Variants in LYRM4 observed in about 807,000 individuals in gnomAD.
LYRM4 encodes LYR motif-containing protein 4.
A neutral mutation model predicts 11.7 loss-of-function variants in LYRM4; 9 were observed. The ratio of observed to expected loss-of-function variants is 0.77; its 90% CI spans 0.46 to 1.34. LYRM4 has a LOEUF of 1.34. Among genes scored for constraint, LYRM4 ranks in the 40% most tolerant of loss-of-function variants. LYRM4 has a pLI of 0.00. For missense variants in LYRM4, 133 were observed against 112.5 expected, an observed-to-expected ratio of 1.18 and a Z score of -0.82; for synonymous variants, 42 against 40.4, an observed-to-expected ratio of 1.04 and a Z score of -0.15.
At chr6:5,253,186 A>G (rs1228835211) in intron 1 of LYRM4, among the ~76,000 whole-genome samples, 1 of 152,238 alleles carries the variant, frequency 6.6e-6, no homozygotes. Context: ...TTCTGACACT[A>G]CACTTGGTAT....
chr6:5,209,517 G>A (rs1317499594), intron 2 of LYRM4, among the ~76,000 whole-genome samples: 4 of 152,200 alleles, frequency 2.6e-5, no homozygotes, highest in African/African-American at 9.6e-5. Context: ...GGAAAGTGCT[G>A]CTGGCGTATG....
intron 2 of LYRM4, among the ~76,000 whole-genome samples, chr6:5,115,290 A>G (rs1473190380): frequency 1.3e-5 from 2 of 152,212 alleles, no homozygotes; most frequent in Non-Finnish European, 2.9e-5. Context: ...ACTACTTTCC[A>G]GAAGGTCTGT....
intron 1 of LYRM4, among the ~76,000 whole-genome samples, chr6:5,241,511 G>A (rs191461455): frequency 7.9e-5 from 12 of 152,296 alleles, no homozygotes; most frequent in Admixed American, 7.8e-4. Flanking sequence ...TTTGATCCCT[G>A]GAATCAGACT....
At chr6:5,162,403 A>G (rs976149461) in intron 2 of LYRM4, among the ~76,000 whole-genome samples, 2 of 152,118 alleles carry the variant, frequency 1.3e-5, no homozygotes, top group Non-Finnish European at 2.9e-5. Context: ...TGTTTCCCGA[A>G]GGATGACACT....
rs891375642 is a variant in LYRM4 at position 5,159,140 on chromosome 6, G to T, written c.208-49649C>A. The stretch of plus-strand genomic sequence containing the variant: ...TGGAGGGGGCCAGACTGACAGCAGC[G>T]ATCGTACTCTTCCAAAGGAACTGTA... On this transcript the variant is annotated intron_variant, in intron 2 of 2. Transcript: ENST00000330636. Among the ~76,000 whole-genome samples the T allele has an allele frequency of 2.0e-5, 3 of 152,228 alleles. No individual in the cohort carries two copies. The South Asian group carries it at 6.2e-4, about 32-fold the overall frequency.
chr6:5,145,452 T>G (rs1341712054), intron 2 of LYRM4, among the ~76,000 whole-genome samples: 2 of 152,200 alleles, frequency 1.3e-5, no homozygotes, highest in Admixed American at 1.3e-4. Context: ...ATAAAACATG[T>G]GCTTAATTTC....
chr6:5,243,829 T>C (rs559269288), intron 1 of LYRM4, among the ~76,000 whole-genome samples: 1 of 152,378 alleles, frequency 6.6e-6, no homozygotes, highest in African/African-American at 2.4e-5. Flanking sequence ...GATGGTGGCA[T>C]CTTAATAAAA....
the LYRM4 span, among the ~76,000 whole-genome samples, chr6:5,068,313 C>T: frequency 6.6e-6 from 1 of 152,198 alleles, no homozygotes; most frequent in Admixed American, 6.5e-5. The surrounding 1 kb of genome is among the most constrained non-coding windows in gnomAD (Gnocchi z 4.0). Context: ...CTGCAGCAGC[C>T]AGCCAGACAC....
chr6:5,045,229 A>T, the LYRM4 span, among the ~76,000 whole-genome samples: 1 of 152,250 alleles, frequency 6.6e-6, no homozygotes, highest in Non-Finnish European at 1.5e-5. Context: ...CCAACCATAG[A>T]TGAGTGGATA....
At chr6:5,119,511 G>C (rs970063739) in intron 2 of LYRM4, among the ~76,000 whole-genome samples, 1 of 152,058 alleles carries the variant, frequency 6.6e-6, no homozygotes, top group Non-Finnish European at 1.5e-5. Context: ...AAAAGGCTGG[G>C]TGTGGTGTCT....
intron 2 of LYRM4, among the ~76,000 whole-genome samples, chr6:5,135,016 G>A (rs1487034344): frequency 7.6e-5 from 9 of 118,178 alleles, no homozygotes; most frequent in African/African-American, 1.7e-4. Flanking sequence ...CGGGGCTGTG[G>A]AGGGTGCGGA....
intron 2 of LYRM4, among the ~76,000 whole-genome samples, chr6:5,182,587 T>C (rs949517385): frequency 3.9e-5 from 6 of 152,238 alleles, no homozygotes; most frequent in Non-Finnish European, 7.3e-5. Context: ...ACTTTAGTTG[T>C]ATATCATACA....
the LYRM4 span, among the ~76,000 whole-genome samples, chr6:5,073,145 C>T: frequency 1.3e-5 from 2 of 151,990 alleles, no homozygotes; most frequent in Admixed American, 1.3e-4. Flanking sequence ...GAGGCCGAGG[C>T]GGGCAGTGGG....
chr6:5,237,152 G>T (rs1300291302), intron 1 of LYRM4, among the ~76,000 whole-genome samples: 1 of 152,200 alleles, frequency 6.6e-6, no homozygotes, highest in Non-Finnish European at 1.5e-5. Context: ...ACCCTTGTCT[G>T]TGGCCTATCA....
intron 2 of LYRM4, among the ~76,000 whole-genome samples, chr6:5,141,370 G>A (rs1323581902): frequency 6.6e-6 from 1 of 152,198 alleles, no homozygotes; most frequent in Non-Finnish European, 1.5e-5. Context: ...CTGTAAAGTG[G>A]AGAGTAGGCT....
intron 2 of LYRM4, among the ~76,000 whole-genome samples, chr6:5,215,586 C>A (rs1762229822): frequency 6.6e-6 from 1 of 152,180 alleles, no homozygotes; most frequent in East Asian, 1.9e-4. Flanking sequence ...GGCAATATAA[C>A]AAGACCTTTA....
the LYRM4 span, among the ~76,000 whole-genome samples, chr6:5,051,202 A>C: frequency 6.6e-6 from 1 of 152,228 alleles, no homozygotes; most frequent in Non-Finnish European, 1.5e-5. Context: ...GTAAACCAAC[A>C]TATACATTGT....
intron 2 of LYRM4, among the ~76,000 whole-genome samples, chr6:5,206,033 G>A (rs1179313280): frequency 2.0e-5 from 3 of 152,158 alleles, no homozygotes; most frequent in African/African-American, 7.2e-5. Context: ...ACATCATCCA[G>A]TTACTCCCCC....
At chr6:5,056,130 A>C in the LYRM4 span, among the ~76,000 whole-genome samples, 2 of 152,138 alleles carry the variant, frequency 1.3e-5, no homozygotes, top group Non-Finnish European at 2.9e-5. Flanking sequence ...TCTCTTGAGT[A>C]GCTGGGACTA....
Sources: allele counts gnomAD v4.1 joint callset (sites outside exome capture counted in the v4.1 genomes callset), GRCh38; gene constraint gnomAD v4.1.1; non-coding constraint Gnocchi (gnomAD v3.1); transcripts MANE v1.5; gene names NCBI Gene and HGNC (gene_info 2026-07-23, HGNC 2026-07-21).